Variants in CABIN1 observed in about 807,000 individuals in gnomAD.
CABIN1 encodes calcineurin-binding protein cabin-1.
A neutral mutation model predicts 227.7 loss-of-function variants in CABIN1; 133 were observed. That is an observed-to-expected ratio of 0.58 (90% CI 0.51 to 0.67). The LOEUF (loss-of-function observed/expected upper bound fraction) is 0.67, where lower values mean the gene tolerates loss of function less well. Among genes scored for constraint, CABIN1 ranks in the 30% least tolerant of loss-of-function variants. The probability of loss-of-function intolerance (pLI) is 0.00; values close to 1 mark genes in which losing one functional copy is unlikely to be tolerated. For missense variants in CABIN1, 2,408 were observed against 2,852.5 expected (o/e 0.84, Z 3.55); for synonymous variants, 1,086 against 1,155.1 (o/e 0.94, Z 1.21).
At chr22:24,114,234 G>A (rs1295227791) in intron 27 of CABIN1, among the ~76,000 whole-genome samples, 1 of 152,188 alleles carries the variant, frequency 6.6e-6, no homozygotes, top group African/African-American at 2.4e-5. Context: ...CTGGGGGTGT[G>A]CCCAACTCTC....
chr22:24,111,500 T>C lies in CABIN1; in HGVS notation c.4118-2066T>C, dbSNP rs1341561256. Among the ~76,000 whole-genome samples, 3 of 152,190 alleles carry C rather than the reference T, an allele frequency of 2.0e-5. No individual in the cohort carries two copies. In the East Asian group the frequency reaches 5.8e-4, roughly 29 times the overall value. ...CTAGGTTGTGCGCTCCTCGTGAGAA[T>C]CTAATGCCAGAGAATAGTTTCATCC... On this transcript the variant is annotated intron_variant, in intron 26 of 36. Transcript: ENST00000263119.
intron 6 of CABIN1, among the ~76,000 whole-genome samples, chr22:24,046,827 A>G (rs953183555): frequency 1.3e-5 from 2 of 152,070 alleles, no homozygotes. Flanking sequence ...AATTGATGGT[A>G]TAGTTTCAGT....
chr22:24,093,509 C>T (rs1167113302), intron 24 of CABIN1, among the ~76,000 whole-genome samples: 1 of 151,324 alleles, frequency 6.6e-6, no homozygotes, highest in East Asian at 1.9e-4. Flanking sequence ...TGCCACTGCA[C>T]TCCAGCCTGG....
chr22:24,095,833 C>A, intron 24 of CABIN1, 98 bp from the exon 25 acceptor site: 1 of 1,330,932 alleles, frequency 7.5e-7, no homozygotes. Context: ...CAGCCTGTTG[C>A]CCTGGTCATG....
chr22:24,091,762 C>T lies in CABIN1; in HGVS notation c.3705C>T (p.His1235=), dbSNP rs750170956. The T allele has an allele frequency of 8.7e-6, 14 of 1,613,892 alleles. No homozygotes were observed. The highest frequency in any genetic ancestry group is 1.2e-5 in the Non-Finnish European group (14 of 1,180,010). ...TGCTGCACTACAGGCAGGCTGGCCA[C>T]TACCTGCACGAGGAGGCTGCCCGCT... ...VYLLHYRQAG[H]YLHEEAARYP... is the part of the protein sequence containing the mutation. The change falls in exon 24 of 37, where the codon CAC becomes CAT. Residue 1235 remains histidine (H), a synonymous_variant. Coordinates refer to ENST00000263119, the MANE Select transcript of CABIN1 (RefSeq NM_012295.4).
chr22:24,152,805 C>G (rs1006362223), intron 29 of CABIN1, among the ~76,000 whole-genome samples: 4 of 152,164 alleles, frequency 2.6e-5, no homozygotes, highest in Non-Finnish European at 5.9e-5. Flanking sequence ...TAAAAATTAG[C>G]TGGGCGTGGT....
At chr22:24,061,759 C>A (rs2039210019) in intron 12 of CABIN1, among the ~76,000 whole-genome samples, 188 bp from the exon 13 acceptor site, 1 of 152,256 alleles carries the variant, frequency 6.6e-6, no homozygotes. Context: ...TCCCAACATA[C>A]ATCCATGTGG....
rs373501579 is a variant in CABIN1, at chr22:24,113,010, A to G, written c.4118-556A>G. ...CTGTGAAGGTCCGAAGAAGGCAGCC[A>G]GTGAGTGAGTACAAACTCCTTTTAC... On this transcript the variant is annotated intron_variant, in intron 26 of 36. Coordinates refer to ENST00000263119, the MANE Select transcript of CABIN1 (RefSeq NM_012295.4). Among the ~76,000 whole-genome samples the G allele has an allele frequency of 5.9e-5, 9 of 152,214 alleles. No homozygotes were observed. In the East Asian group the frequency reaches 7.7e-4, roughly 13 times the overall value.
Position 24,048,551 on chromosome 22 carries a change from G to A in CABIN1, c.527-540G>A, listed in dbSNP as rs540419393. Among the ~76,000 whole-genome samples, 12 of 152,202 alleles carry A rather than the reference G, an allele frequency of 7.9e-5. No homozygotes were observed. In the East Asian group the frequency reaches 1.9e-3, roughly 25 times the overall value. On this transcript the variant is annotated intron_variant, in intron 6 of 36. Coordinates refer to ENST00000263119, the MANE Select transcript of CABIN1 (RefSeq NM_012295.4). ...TTCTCCCACATCAGCCTCCTGAGTA[G>A]CTGAGACTGCAGGTGCACACCAACA...
intron 1 of CABIN1, among the ~76,000 whole-genome samples, chr22:24,013,748 A>C (rs1684140672): frequency 6.6e-6 from 1 of 152,170 alleles, no homozygotes; most frequent in Non-Finnish European, 1.5e-5. Flanking sequence ...TGTTGCATTT[A>C]GTTATTTCTC....
intron 8 of CABIN1, among the ~76,000 whole-genome samples, chr22:24,052,790 CAAAAA>C (rs933884374): frequency 1.0e-5 from 1 of 95,464 alleles, no homozygotes; most frequent in Non-Finnish European, 2.3e-5. Context: ...ACCCCCATCT[CAAAAA>C]AAAAAAAAAA....
At chr22:24,129,346 C>T (rs1334592516) in intron 28 of CABIN1, among the ~76,000 whole-genome samples, 1 of 152,128 alleles carries the variant, frequency 6.6e-6, no homozygotes, top group African/African-American at 2.4e-5. Flanking sequence ...CAGAGTAGTG[C>T]GAGTTAGTGG....
intron 25 of CABIN1, among the ~76,000 whole-genome samples, chr22:24,097,463 A>C (rs1039511484): frequency 6.6e-6 from 1 of 152,250 alleles, no homozygotes; most frequent in Non-Finnish European, 1.5e-5. Flanking sequence ...CCATGGAGAT[A>C]GTACCCCAGT....
chr22:24,163,920 T>G (rs985759148), intron 29 of CABIN1, among the ~76,000 whole-genome samples: 101 of 152,310 alleles, frequency 6.6e-4, no homozygotes, highest in African/African-American at 2.3e-3. Flanking sequence ...TCCCAGGAGC[T>G]GCAGATGATT....
intron 34 of CABIN1, chr22:24,175,883 A>G (rs2047075658): frequency 8.0e-6 from 5 of 623,864 alleles, no homozygotes; most frequent in Non-Finnish European, 1.4e-5. Flanking sequence ...CGGGAGGCGG[A>G]GGAGCCCTCT....
intron 7 of CABIN1, 32 bp from the exon 8 acceptor site, chr22:24,050,793 T>C (rs750808753): frequency 2.5e-6 from 4 of 1,613,840 alleles, no homozygotes; most frequent in African/African-American, 1.3e-5. Context: ...GTTTGTAACA[T>C]GATAATTTCT....
At chr22:24,064,951 A>T (rs2039501951) in intron 15 of CABIN1, among the ~76,000 whole-genome samples, 1 of 152,156 alleles carries the variant, frequency 6.6e-6, no homozygotes, top group African/African-American at 2.4e-5. Context: ...CCGATTTCTC[A>T]ATCTTTTCCC....
At chr22:24,029,937 C>T (rs1426394250) in intron 1 of CABIN1, among the ~76,000 whole-genome samples, 6 of 152,160 alleles carry the variant, frequency 3.9e-5, no homozygotes, top group South Asian at 4.1e-4. Flanking sequence ...ACCAGCTGGG[C>T]AGCCTGAGGC....
At chr22:24,117,492 G>T (rs895528627) in intron 27 of CABIN1, among the ~76,000 whole-genome samples, 2 of 151,526 alleles carry the variant, frequency 1.3e-5, no homozygotes, top group East Asian at 3.9e-4. Context: ...GAGCCACCAC[G>T]CCCAGCCTAA....
Sources: gnomAD v4.1 joint callset for allele counts (sites outside exome capture counted in the v4.1 genomes callset) on GRCh38, gnomAD v4.1.1 for gene constraint, MANE v1.5 for transcripts, NCBI Gene and HGNC (gene_info 2026-07-23, HGNC 2026-07-21) for gene names.